CDS2: variants seen among roughly 807,000 people sequenced by gnomAD.
CDS2 encodes the protein CDP-diacylglycerol synthase 2.
CDS2 carries 47 observed loss-of-function variants against 59.0 expected under a neutral mutation model. That is an observed-to-expected ratio of 0.80 (90% CI 0.63 to 1.02). CDS2 has a LOEUF of 1.02. Among genes scored for constraint, CDS2 ranks in the 50% least tolerant of loss-of-function variants. CDS2 has a pLI of 0.00. For synonymous variants in CDS2, 207 were observed against 206.4 expected (o/e 1.00, Z -0.02); for missense variants, 356 against 558.9 (o/e 0.64, Z 3.66).
At chr20:5,178,510 A>G (rs1028371674) in intron 4 of CDS2, among the ~76,000 whole-genome samples, 3 of 152,134 alleles carry the variant, frequency 2.0e-5, no homozygotes, top group African/African-American at 7.2e-5. Context: ...GTGTTTTTGA[A>G]GGTCATATGG....
At chr20:5,149,660 G>A (rs1248481071) in intron 1 of CDS2, among the ~76,000 whole-genome samples, 1 of 151,924 alleles carries the variant, frequency 6.6e-6, no homozygotes, top group Non-Finnish European at 1.5e-5. Flanking sequence ...CCTCGACCTC[G>A]CAAAGTGCTG....
chr20:5,144,827 T>C (rs1239510864), intron 1 of CDS2, among the ~76,000 whole-genome samples: 2 of 152,176 alleles, frequency 1.3e-5, no homozygotes, highest in Non-Finnish European at 2.9e-5. Context: ...CCAACTGTGT[T>C]GGCTTGATCC....
chr20:5,145,241 C>G (rs2090731698), intron 1 of CDS2, among the ~76,000 whole-genome samples: 1 of 101,724 alleles, frequency 9.8e-6, no homozygotes, highest in East Asian at 3.6e-4. Flanking sequence ...GAAAGACCCC[C>G]CCCCCCGCCC....
chr20:5,150,211 C>T (rs2090777668), intron 1 of CDS2, among the ~76,000 whole-genome samples: 3 of 152,196 alleles, frequency 2.0e-5, no homozygotes, highest in Admixed American at 2.0e-4. Context: ...TGTTGGCTGG[C>T]TGCTCAGCAG....
intron 1 of CDS2, among the ~76,000 whole-genome samples, chr20:5,137,894 G>A (rs1345768986): frequency 1.3e-5 from 2 of 151,716 alleles, no homozygotes; most frequent in Non-Finnish European, 2.9e-5. Context: ...CGACTCCCGG[G>A]TTCACGACAT....
intron 9 of CDS2, 80 bp from the exon 10 acceptor site, chr20:5,186,606 CA>C: frequency 6.7e-7 from 1 of 1,491,310 alleles, no homozygotes; most frequent in Non-Finnish European, 9.3e-7. Context: ...CCCTCAGGAA[CA>C]TGGCCAAACC....
chr20:5,188,338 G>A (rs1451380237), intron 10 of CDS2, among the ~76,000 whole-genome samples: 1 of 152,174 alleles, frequency 6.6e-6, no homozygotes, highest in Non-Finnish European at 1.5e-5. Flanking sequence ...TACTTGTCAA[G>A]CTCTGGTGTA....
At chr20:5,171,055 G>C (rs1249856814) in intron 1 of CDS2, among the ~76,000 whole-genome samples, 1 of 152,222 alleles carries the variant, frequency 6.6e-6, no homozygotes, top group East Asian at 1.9e-4. Flanking sequence ...CGATATCTTT[G>C]TAACAGTTCT....
intron 5 of CDS2, among the ~76,000 whole-genome samples, chr20:5,180,579 G>A (rs2091026902): frequency 6.6e-6 from 1 of 152,098 alleles, no homozygotes; most frequent in African/African-American, 2.4e-5. Flanking sequence ...TGATTTTGGA[G>A]GGGTTTGGCC....
chr20:5,181,456 A>G (rs938886864), intron 5 of CDS2, among the ~76,000 whole-genome samples: 2 of 152,206 alleles, frequency 1.3e-5, no homozygotes, highest in Admixed American at 1.3e-4. Context: ...GTTTGGGGCG[A>G]GTCTGTGGAG....
At chr20:5,173,755 C>A in intron 2 of CDS2, 96 bp downstream of exon 2, 2 of 1,442,226 alleles carry the variant, frequency 1.4e-6, no homozygotes, top group Non-Finnish European at 1.9e-6. Context: ...TCTTGCAGAG[C>A]AGGCCCGCTG....
At chr20:5,136,539 G>A (rs1457251050) in intron 1 of CDS2, among the ~76,000 whole-genome samples, 2 of 152,120 alleles carry the variant, frequency 1.3e-5, no homozygotes, top group Admixed American at 6.6e-5. Context: ...ATCCTTATCT[G>A]TCTTTTACTC....
chr20:5,131,243 G>A (rs1001063275), intron 1 of CDS2, among the ~76,000 whole-genome samples: 1 of 152,116 alleles, frequency 6.6e-6, no homozygotes, highest in Non-Finnish European at 1.5e-5. Context: ...AAGTCAGAAG[G>A]TATTTTGTTA....
intron 2 of CDS2, 62 bp from the exon 3 acceptor site, chr20:5,175,121 T>C (rs767300223): frequency 1.7e-6 from 2 of 1,174,542 alleles, no homozygotes; most frequent in East Asian, 2.3e-5. Flanking sequence ...CTTGAGTTTG[T>C]GCATTGGTTT....
Position 5,190,365 on chromosome 20 carries a change from A to AT in CDS2, c.*137dup, listed in dbSNP as rs2091104864. On this transcript the variant is annotated 3_prime_UTR_variant, in exon 13 of 13. Coordinates refer to ENST00000460006, the MANE Select transcript of CDS2 (RefSeq NM_003818.4). ...TCTTTTTTTTTTTTTTTTGGAGGGT[A>AT]TTTTTTATTTGTGGGTTCAAAAAAT... 3 of 860,064 alleles carry AT rather than the reference A, an allele frequency of 3.5e-6. No homozygotes were observed. Among genetic ancestry groups the AT allele is most frequent in the Admixed American group, 3.2e-5 (1 of 30,970 alleles). The allele number at this position is 860,064 out of a possible 1,614,324, so 53.3% of individuals were successfully genotyped here.
intron 7 of CDS2, among the ~76,000 whole-genome samples, chr20:5,183,444 T>C (rs1172101923): frequency 6.6e-6 from 1 of 152,228 alleles, no homozygotes; most frequent in Non-Finnish European, 1.5e-5. Flanking sequence ...TCAAAGACAA[T>C]GCAACATGTA....
At position 5,195,083 on chromosome 20, in the gene CDS2, CTT is replaced by C. The variant is rs1290691770; in HGVS notation, c.*4850_*4851del. 1 of 152,182 alleles carries C rather than the reference CTT, an allele frequency of 6.6e-6. No homozygotes were observed. Among genetic ancestry groups the C allele is most frequent in the Admixed American group, 6.5e-5 (1 of 15,286 alleles). The allele number at this position is 152,182 out of a possible 1,614,324, so 9.4% of individuals were successfully genotyped here. ...TTTCTAGGCTGCTCTAAGCTTCTAC[CTT>C]GAAGGCAGTTGGGTCTGATAATAGT... On this transcript the variant is annotated 3_prime_UTR_variant, in exon 13 of 13. Transcript: ENST00000460006.
chr20:5,179,024 G>A (rs2091014175), intron 5 of CDS2, 68 bp downstream of exon 5: 5 of 1,499,222 alleles, frequency 3.3e-6, no homozygotes, highest in Admixed American at 1.7e-5. Context: ...GGTAGGAATT[G>A]GGGAATTTCT....
chr20:5,186,778 C>T lies in CDS2; in HGVS notation c.920C>T (p.Ser307Leu), dbSNP rs766522557. ...AGCTTCACTGTGGACTGTGAGCCCT[C>T]GGACCTGTTTCGCCTGCAGGAGTAC... ...TNSFTVDCEP[S>L]DLFRLQEYNI... The change falls in exon 10 of 13, where the codon TCG becomes TTG. Residue 307 changes from serine to leucine, a missense_variant. Transcript: ENST00000460006. 6.8e-6 allele frequency: 11 copies of T among 1,614,022 alleles called. No individual in the cohort carries two copies. The highest frequency in any genetic ancestry group is 2.2e-5 in the South Asian group (2 of 91,078).
Sources: allele counts gnomAD v4.1 joint callset (sites outside exome capture counted in the v4.1 genomes callset), GRCh38; gene constraint gnomAD v4.1.1; transcripts MANE v1.5; gene names NCBI Gene and HGNC (gene_info 2026-07-23, HGNC 2026-07-21).